MYD88: variants seen among roughly 807,000 people sequenced by gnomAD.
The protein encoded by MYD88 is myeloid differentiation primary response protein MyD88.
In MYD88, 15 loss-of-function variants were observed where a neutral mutation model predicts 31.1. The ratio of observed to expected loss-of-function variants is 0.48; its 90% CI spans 0.32 to 0.74. The LOEUF (loss-of-function observed/expected upper bound fraction) is 0.74, where lower values mean the gene tolerates loss of function less well. Ranked by LOEUF, MYD88 falls within the 30% of genes least tolerant of loss-of-function variation. The probability of loss-of-function intolerance (pLI) is 0.03; values close to 1 mark genes in which losing one functional copy is unlikely to be tolerated. For missense variants in MYD88, 308 were observed against 387.4 expected (o/e 0.79, Z 1.72); for synonymous variants, 157 against 158.8 (o/e 0.99, Z 0.08).
rs1559483552 is a variant in MYD88, at chr3:38,138,913, TG to T, written c.215del (p.Gly72AlafsTer15). 6.2e-7 allele frequency: 1 copy of T among 1,613,036 alleles called. No homozygotes were observed. On this transcript the variant is annotated frameshift_variant, in exon 1 of 5. Coordinates refer to ENST00000650905, the MANE Select transcript of MYD88 (RefSeq NM_002468.5). LOFTEE classifies it high-confidence loss of function. The surrounding 1 kb of genome is among the most constrained non-coding windows in gnomAD (Gnocchi z 6.4). Reference protein sequence around the residue: ...RQLETQADPTGRLLDAWQGRP... With the variant: ...RQLETQADPTXRLLDAWQGRP... ...AACTGGAGACACAAGCGGACCCCACTGGCAGGCTGCTGGACGCCTGGCAGGG... is the reference window on the plus strand; with the variant it reads ...AACTGGAGACACAAGCGGACCCCACTGCAGGCTGCTGGACGCCTGGCAGGG...
chr3:38,142,501 G>A lies in MYD88; in HGVS notation c.*1215G>A, dbSNP rs966285506. The A allele has an allele frequency of 3.9e-5, 9 of 233,218 alleles. No individual in the cohort carries two copies. The South Asian group carries it at 1.6e-3, about 42-fold the overall frequency. 14.4% of individuals were successfully genotyped at this position (233,218 alleles called of 1,614,324 possible). A position where few individuals can be genotyped will look rare whatever the true frequency, so the allele number is the denominator to read the frequency against. ...CTCATTGAAACCAAACTCTGGAAAGGACCCAATGTACCAGTATTTATACCT... is the reference window on the plus strand; with the variant it reads ...CTCATTGAAACCAAACTCTGGAAAGAACCCAATGTACCAGTATTTATACCT... On this transcript the variant is annotated 3_prime_UTR_variant, in exon 5 of 5. Transcript: ENST00000650905.
Position 38,138,868 on chromosome 3 carries a change from T to C in MYD88, c.168T>C (p.Phe56=), listed in dbSNP as rs762789361. The C allele has an allele frequency of 2.5e-6, 4 of 1,613,750 alleles. No homozygotes were observed. Among genetic ancestry groups the C allele is most frequent in the East Asian group, 2.2e-5 (1 of 44,872 alleles). The change falls in exon 1 of 5, where the codon TTT becomes TTC. Residue 56 remains phenylalanine, a synonymous_variant. Coordinates refer to ENST00000650905, the MANE Select transcript of MYD88 (RefSeq NM_002468.5). This position sits in a 1 kb window ranked among gnomAD's most constrained non-coding sequence, Gnocchi z 6.4. The stretch of plus-strand genomic sequence containing the variant: ...CCGCGCTGGCGGAGGAGATGGACTT[T>C]GAGTACTTGGAGATCCGGCAACTGG... ...DWTALAEEMD[F]EYLEIRQLET...
At position 38,142,716 on chromosome 3, in the gene MYD88, T is replaced by C. The variant is rs940378118; in HGVS notation, c.*1430T>C. 12 of 233,052 alleles carry C rather than the reference T, an allele frequency of 5.1e-5. No homozygotes were observed. Among genetic ancestry groups the C allele is most frequent in the Non-Finnish European group, 8.5e-5 (10 of 118,026 alleles). The allele number at this position is 233,052 out of a possible 1,614,324, so 14.4% of individuals were successfully genotyped here. A position where few individuals can be genotyped will look rare whatever the true frequency, so the allele number is the denominator to read the frequency against. Reference sequence around the variant, plus strand: ...ACAGACCCTAGGACCCTAAATCCAATAGAAAATGCATATCTTTGCTCCACT... The same window carrying C: ...ACAGACCCTAGGACCCTAAATCCAACAGAAAATGCATATCTTTGCTCCACT... On this transcript the variant is annotated 3_prime_UTR_variant, in exon 5 of 5. Coordinates refer to ENST00000650905, the MANE Select transcript of MYD88 (RefSeq NM_002468.5).
Position 38,141,414 on chromosome 3 carries a change from T to C in MYD88, c.*128T>C. 1 of 1,259,456 alleles carries C rather than the reference T, an allele frequency of 7.9e-7. No homozygotes were observed. The highest frequency in any genetic ancestry group is 1.2e-6 in the Non-Finnish European group (1 of 864,972). The allele number at this position is 1,259,456 out of a possible 1,614,324, so 78.0% of individuals were successfully genotyped here. A position where few individuals can be genotyped will look rare whatever the true frequency, so the allele number is the denominator to read the frequency against. On this transcript the variant is annotated 3_prime_UTR_variant, in exon 5 of 5. Transcript: ENST00000650905. Reference sequence around the variant, plus strand: ...CCTCTCAATTCCTGGAGATGCCAACTTCACAGACACGTCTGCAGCAGCTGG... The same window carrying C: ...CCTCTCAATTCCTGGAGATGCCAACCTCACAGACACGTCTGCAGCAGCTGG...
In MYD88 at chr3:38,141,396, A is replaced by G; in HGVS notation, c.*110A>G. On this transcript the variant is annotated 3_prime_UTR_variant, in exon 5 of 5. Transcript: ENST00000650905. ...GAATCTGTGCTCTACTTACCTCTCA[A>G]TTCCTGGAGATGCCAACTTCACAGA... 2 of 1,428,390 alleles carry G rather than the reference A, an allele frequency of 1.4e-6. No homozygotes were observed. The highest frequency in any genetic ancestry group is 1.2e-5 in the South Asian group (1 of 86,826). The allele number at this position is 1,428,390 out of a possible 1,614,324, so 88.5% of individuals were successfully genotyped here. A position where few individuals can be genotyped will look rare whatever the true frequency, so the allele number is the denominator to read the frequency against.
At chr3:38,141,056 C>A in intron 4 of MYD88, 76 bp from the exon 5 acceptor site, 2 of 1,603,114 alleles carry the variant, frequency 1.2e-6, no homozygotes, top group Non-Finnish European at 1.7e-6. Context: ...CTGTTGTTAA[C>A]CCTGGGGTTG....
In MYD88 at chr3:38,140,586, G is replaced by C. The variant is rs753512763; in HGVS notation, c.644+18G>C. ...GAAAAGAGGTTGGCTAGAAGGCCAC[G>C]GGGTGGGTGCGTGGATGCATGAAGC... On this transcript the variant is annotated intron_variant, in intron 3 of 4. Coordinates refer to ENST00000650905, the MANE Select transcript of MYD88 (RefSeq NM_002468.5). 6.2e-7 allele frequency: 1 copy of C among 1,614,068 alleles called. No individual in the cohort carries two copies. The highest frequency in any genetic ancestry group is 1.1e-5 in the South Asian group (1 of 91,084).
At position 38,139,902 on chromosome 3, in the gene MYD88, G is replaced by T; in HGVS notation, c.367G>T (p.Glu123Ter). The T allele has an allele frequency of 1.2e-6, 2 of 1,613,522 alleles. No homozygotes were observed. Among genetic ancestry groups the T allele is most frequent in the Non-Finnish European group, 1.7e-6 (2 of 1,180,026 alleles). Residue 123 changes from glutamate to a stop codon, truncating the protein, a stop_gained, in exon 2 of 5, where the codon GAG (glutamate) becomes TAG (stop). Coordinates refer to ENST00000650905, the MANE Select transcript of MYD88 (RefSeq NM_002468.5). LOFTEE classifies it high-confidence loss of function. This position sits in a 1 kb window ranked among gnomAD's most constrained non-coding sequence, Gnocchi z 4.7. ...AAAGTATATCTTGAAGCAGCAGCAG[G>T]AGGAGGCTGAGAAGCCTTTACAGGT... Reference protein sequence around the residue: ...CQKYILKQQQEEAEKPLQVAA... With the variant: ...CQKYILKQQQ
rs369951621 is a variant in MYD88, at chr3:38,139,882, A to G, written c.347A>G (p.Tyr116Cys). 4 of 1,613,140 alleles carry G rather than the reference A, an allele frequency of 2.5e-6. No individual in the cohort carries two copies. The highest frequency in any genetic ancestry group is 1.3e-5 in the African/African-American group (1 of 74,908). ...GPSIEEDCQKYILKQQQEEAE... is the reference protein window; with the variant it reads ...GPSIEEDCQKCILKQQQEEAE... ...CCCACAGAGGAGGATTGCCAAAAGT[A>G]TATCTTGAAGCAGCAGCAGGAGGAG... Residue 116 changes from tyrosine (Y) to cysteine (C), a missense_variant, in exon 2 of 5, where the codon TAT becomes TGT. Transcript: ENST00000650905. This position sits in a 1 kb window ranked among gnomAD's most constrained non-coding sequence, Gnocchi z 4.7.
At position 38,142,610 on chromosome 3, in the gene MYD88, C is replaced by T. The variant is rs975934647; in HGVS notation, c.*1324C>T. ...GACACAGCTGTTCTCTCCCTCTCTC[C>T]TTCCCAGAGCAATTTATACTTTACC... On this transcript the variant is annotated 3_prime_UTR_variant, in exon 5 of 5. Coordinates refer to ENST00000650905, the MANE Select transcript of MYD88 (RefSeq NM_002468.5). 2 of 233,338 alleles carry T rather than the reference C, an allele frequency of 8.6e-6. No homozygotes were observed. The highest frequency in any genetic ancestry group is 1.7e-5 in the Non-Finnish European group (2 of 118,084). 14.5% of individuals were successfully genotyped at this position (233,338 alleles called of 1,614,324 possible).
Position 38,139,851 on chromosome 3 carries a change from C to G in MYD88, c.329-13C>G, listed in dbSNP as rs372702557. On this transcript the variant is annotated splice_polypyrimidine_tract_variant and intron_variant, in intron 1 of 4. Coordinates refer to ENST00000650905, the MANE Select transcript of MYD88 (RefSeq NM_002468.5). The surrounding 1 kb of genome is among the most constrained non-coding windows in gnomAD (Gnocchi z 4.7). ...TCCCAGGGAGGCTGCTTTACTCTGT[C>G]TCTTCCCCACAGAGGAGGATTGCCA... 15 of 1,612,288 alleles carry G rather than the reference C, an allele frequency of 9.3e-6. No individual in the cohort carries two copies. In the African/African-American group the frequency reaches 2.0e-4, roughly 22 times the overall value.
Position 38,138,863 on chromosome 3 carries a change from G to A in MYD88, c.163G>A (p.Asp55Asn), listed in dbSNP as rs1489688140. 1.2e-6 allele frequency: 2 copies of A among 1,613,848 alleles called. No homozygotes were observed. The highest frequency in any genetic ancestry group is 1.7e-6 in the Non-Finnish European group (2 of 1,180,016). The change falls in exon 1 of 5, where the codon GAC becomes AAC. Residue 55 changes from aspartate (D) to asparagine (N), a missense_variant. Transcript: ENST00000650905. The surrounding 1 kb of genome is among the most constrained non-coding windows in gnomAD (Gnocchi z 6.4). ...CTGGACCGCGCTGGCGGAGGAGATG[G>A]ACTTTGAGTACTTGGAGATCCGGCA... Reference protein sequence around the residue: ...ADWTALAEEMDFEYLEIRQLE... With the variant: ...ADWTALAEEMNFEYLEIRQLE...
rs1701114371 is a variant in MYD88 at position 38,142,932 on chromosome 3, G to T, written c.*1646G>T. On this transcript the variant is annotated 3_prime_UTR_variant, in exon 5 of 5. Transcript: ENST00000650905. ...CATTAAAATAATTTCAAAGATATCT[G>T]AGAAAAGCCGATATTTGCCATTCTT... is the stretch of plus-strand genomic sequence containing the variant. 4.3e-6 allele frequency: 1 copy of T among 233,106 alleles called. No homozygotes were observed. The highest frequency in any genetic ancestry group is 1.8e-4 in the South Asian group (1 of 5,532). 14.4% of individuals were successfully genotyped at this position (233,106 alleles called of 1,614,324 possible). A position where few individuals can be genotyped will look rare whatever the true frequency, so the allele number is the denominator to read the frequency against.
rs185388621 is a variant in MYD88, at chr3:38,142,523, A to G, written c.*1237A>G. 8.6e-6 allele frequency: 2 copies of G among 233,292 alleles called. No individual in the cohort carries two copies. The highest frequency in any genetic ancestry group is 2.2e-5 in the African/African-American group (1 of 45,448). The allele number at this position is 233,292 out of a possible 1,614,324, so 14.5% of individuals were successfully genotyped here. A position where few individuals can be genotyped will look rare whatever the true frequency, so the allele number is the denominator to read the frequency against. On this transcript the variant is annotated 3_prime_UTR_variant, in exon 5 of 5. Coordinates refer to ENST00000650905, the MANE Select transcript of MYD88 (RefSeq NM_002468.5). ...AAGGACCCAATGTACCAGTATTTAT[A>G]CCTCTAATGAAGCACAGAGAGAGGA...
chr3:38,142,464 C>T lies in MYD88; in HGVS notation c.*1178C>T, dbSNP rs886820181. Reference sequence around the variant, plus strand: ...TTGGGCACTCATCTATTCCTTTTCTCTTGTGTCCCTACTCATTGAAACCAA... The same window carrying T: ...TTGGGCACTCATCTATTCCTTTTCTTTTGTGTCCCTACTCATTGAAACCAA... On this transcript the variant is annotated 3_prime_UTR_variant, in exon 5 of 5. Coordinates refer to ENST00000650905, the MANE Select transcript of MYD88 (RefSeq NM_002468.5). The T allele has an allele frequency of 2.1e-5, 5 of 233,212 alleles. No homozygotes were observed. The East Asian group carries it at 3.0e-4, about 14-fold the overall frequency. 14.4% of individuals were successfully genotyped at this position (233,212 alleles called of 1,614,324 possible).
In MYD88 at chr3:38,141,457, C is replaced by A; in HGVS notation, c.*171C>A. 1.2e-6 allele frequency: 1 copy of A among 864,256 alleles called. No homozygotes were observed. The highest frequency in any genetic ancestry group is 1.9e-6 in the Non-Finnish European group (1 of 530,400). 53.5% of individuals were successfully genotyped at this position (864,256 alleles called of 1,614,324 possible). Reference sequence around the variant, plus strand: ...GCAGCTGGACATCACATTTCATGTCCTGCATGGAACCAGTGGCTGTGAGTG... The same window carrying A: ...GCAGCTGGACATCACATTTCATGTCATGCATGGAACCAGTGGCTGTGAGTG... On this transcript the variant is annotated 3_prime_UTR_variant, in exon 5 of 5. Coordinates refer to ENST00000650905, the MANE Select transcript of MYD88 (RefSeq NM_002468.5).
Position 38,141,343 on chromosome 3 carries a change from G to T in MYD88, c.*57G>T, listed in dbSNP as rs191538099. 2.3e-4 allele frequency: 366 copies of T among 1,605,890 alleles called. No homozygotes were observed. The East Asian group carries it at 6.7e-3, about 29-fold the overall frequency. On this transcript the variant is annotated 3_prime_UTR_variant, in exon 5 of 5. Coordinates refer to ENST00000650905, the MANE Select transcript of MYD88 (RefSeq NM_002468.5). ...TCTGTCTGCCTGTCCATGTACTTCT[G>T]CCCTGCCTCCTCCTTTCGTTGTAGG...
At position 38,142,454 on chromosome 3, in the gene MYD88, T is replaced by G. The variant is rs1302365787; in HGVS notation, c.*1168T>G. 4.3e-6 allele frequency: 1 copy of G among 233,172 alleles called. No homozygotes were observed. The highest frequency in any genetic ancestry group is 8.5e-6 in the Non-Finnish European group (1 of 118,060). The allele number at this position is 233,172 out of a possible 1,614,324, so 14.4% of individuals were successfully genotyped here. ...TGAACAAAAATTGGGCACTCATCTA[T>G]TCCTTTTCTCTTGTGTCCCTACTCA... On this transcript the variant is annotated 3_prime_UTR_variant, in exon 5 of 5. Transcript: ENST00000650905.
Position 38,141,031 on chromosome 3 carries a change from T to G in MYD88, c.737-101T>G, listed in dbSNP as rs1186995488. 2.6e-6 allele frequency: 4 copies of G among 1,538,158 alleles called. No homozygotes were observed. The African/African-American group carries it at 4.1e-5, about 16-fold the overall frequency. ...GTGAGTGAATGTGTGCCAGGGGTACTTAGATGGGGGATGGCTGTTGTTAAC... is the reference window on the plus strand; with the variant it reads ...GTGAGTGAATGTGTGCCAGGGGTACGTAGATGGGGGATGGCTGTTGTTAAC... On this transcript the variant is annotated intron_variant, in intron 4 of 4. Coordinates refer to ENST00000650905, the MANE Select transcript of MYD88 (RefSeq NM_002468.5).
Sources: allele counts gnomAD v4.1 joint callset, GRCh38; gene constraint gnomAD v4.1.1; non-coding constraint Gnocchi (gnomAD v3.1); transcripts MANE v1.5; gene names NCBI Gene and HGNC (gene_info 2026-07-23, HGNC 2026-07-21).